Variants in FIZ1 observed in about 807,000 individuals in gnomAD.
The protein encoded by FIZ1 is flt3-interacting zinc finger protein 1.
In FIZ1, 2 loss-of-function variants were observed where a neutral mutation model predicts 5.3. That is an observed-to-expected ratio of 0.37 (90% CI 0.15 to 1.18). FIZ1 has a LOEUF of 1.18. FIZ1 is among the 50% of genes most tolerant of loss of function. FIZ1 has a pLI of 0.37. For missense variants in FIZ1, 631 were observed against 749.7 expected (o/e 0.84, Z 1.85); for synonymous variants, 407 against 364.2 (o/e 1.12, Z -1.34).
chr19:55,593,506 G>A lies in FIZ1; in HGVS notation c.435C>T (p.Pro145=), dbSNP rs770087686. Residue 145 remains proline, a synonymous_variant, in exon 3 of 3, where the codon CCC becomes CCT. Coordinates refer to ENST00000221665, the MANE Select transcript of FIZ1 (RefSeq NM_032836.3). This position sits in a 1 kb window ranked among gnomAD's most constrained non-coding sequence, Gnocchi z 6.3. The stretch of plus-strand genomic sequence containing the variant: ...AGACGGAGCAGGGCGCACTCAAGGC[G>A]GGCAGGCCAGGGCCGGGCTGCAGGG... ...PSPLQPGPGL[P]ALSAPCSVCC... 72 of 1,549,610 alleles carry A rather than the reference G, an allele frequency of 4.6e-5. No individual in the cohort carries two copies. The highest frequency in any genetic ancestry group is 5.8e-5 in the Non-Finnish European group (66 of 1,146,652).
chr19:55,595,364 C>A (rs1398405235), intron 2 of FIZ1, among the ~76,000 whole-genome samples: 2 of 152,174 alleles, frequency 1.3e-5, no homozygotes, highest in Non-Finnish European at 2.9e-5. Context: ...TTTAACACAA[C>A]AAGATTATGC....
rs1196703301 is a variant in FIZ1, at chr19:55,593,472, C to T, written c.469G>A (p.Val157Met). ...CCCCCGCACACCGAGCAGGGCCCCACATTGCAGCAGACGGAGCAGGGCGCA... is the reference window on the plus strand; with the variant it reads ...CCCCCGCACACCGAGCAGGGCCCCATATTGCAGCAGACGGAGCAGGGCGCA... ...LSAPCSVCCN[V>M]GPCSVCGGSG... Residue 157 changes from valine to methionine, a missense_variant, in exon 3 of 3, where the codon GTG (valine) becomes ATG (methionine). Around this residue, in one of 4 missense-constraint regions of FIZ1, gnomAD observed 463 missense variants for 455.1 expected, o/e 1.02. Transcript: ENST00000221665. This position sits in a 1 kb window ranked among gnomAD's most constrained non-coding sequence, Gnocchi z 6.3. 1.9e-6 allele frequency: 3 copies of T among 1,548,096 alleles called. No individual in the cohort carries two copies. Among genetic ancestry groups the T allele is most frequent in the Non-Finnish European group, 1.7e-6 (2 of 1,146,286 alleles).
chr19:55,597,873 G>T lies in FIZ1; in HGVS notation c.-8C>A. Reference sequence around the variant, plus strand: ...GGCGGGGACGTCATCCATGGTGGCGGGGAATACAGTGGTATGTGGGGGCTC... The same window carrying T: ...GGCGGGGACGTCATCCATGGTGGCGTGGAATACAGTGGTATGTGGGGGCTC... On this transcript the variant is annotated 5_prime_UTR_variant, in exon 2 of 3. Transcript: ENST00000221665. The T allele has an allele frequency of 6.4e-7, 1 of 1,573,010 alleles. No individual in the cohort carries two copies. Among genetic ancestry groups the T allele is most frequent in the Non-Finnish European group, 8.6e-7 (1 of 1,159,722 alleles).
rs557755784 is a variant in FIZ1, at chr19:55,598,103, T to G, written c.-36-202A>C. 1.9e-5 allele frequency: 12 copies of G among 622,522 alleles called. No individual in the cohort carries two copies. In the East Asian group the frequency reaches 2.5e-4, roughly 13 times the overall value. 38.6% of individuals were successfully genotyped at this position (622,522 alleles called of 1,614,324 possible). ...CGGCTCCACGCCTGTGGCAAAATCT[T>G]CCTAATCACTTCATAGTCTCCTCAC... On this transcript the variant is annotated intron_variant, in intron 1 of 2. Transcript: ENST00000221665.
rs1267936337 is a variant in FIZ1 at position 55,593,120 on chromosome 19, G to A, written c.821C>T (p.Ala274Val). The change falls in exon 3 of 3, where the codon GCG becomes GTG. Residue 274 changes from alanine (A) to valine (V), a missense_variant. Transcript: ENST00000221665. The surrounding 1 kb of genome is among the most constrained non-coding windows in gnomAD (Gnocchi z 6.3). ...CGCCTCCGCAGCGGTGCCTTCGCCC[G>A]CCGTCTCGGGCCCTGCGCCTGGCCC... ...AAGPGAGPET[A>V]GEGTAAEAGD... 1.6e-6 allele frequency: 2 copies of A among 1,252,886 alleles called. No individual in the cohort carries two copies. The highest frequency in any genetic ancestry group is 2.0e-5 in the South Asian group (1 of 50,210). 77.6% of individuals were successfully genotyped at this position (1,252,886 alleles called of 1,614,324 possible).
intron 1 of FIZ1, chr19:55,598,246 C>A: frequency 4.2e-6 from 1 of 240,344 alleles, no homozygotes; most frequent in Non-Finnish European, 8.3e-6. Context: ...CACCTACTCC[C>A]TTCAAAGTCC....
At chr19:55,595,753 G>C (rs1980299034) in intron 2 of FIZ1, 1 of 152,108 alleles carries the variant, frequency 6.6e-6, no homozygotes, top group African/African-American at 2.4e-5. Flanking sequence ...TACACATTTT[G>C]TTCCCTGGAT....
At chr19:55,595,322 C>T (rs1253401184) in intron 2 of FIZ1, among the ~76,000 whole-genome samples, 1 of 152,214 alleles carries the variant, frequency 6.6e-6, no homozygotes, top group Non-Finnish European at 1.5e-5. Context: ...TCTCTATCCT[C>T]TTTGTCACTA....
chr19:55,597,753 A>G lies in FIZ1; in HGVS notation c.113T>C (p.Leu38Pro). The change falls in exon 2 of 3, where the codon CTG becomes CCG. Residue 38 changes from leucine (L) to proline (P), a missense_variant. Around this residue, in one of 4 missense-constraint regions of FIZ1, gnomAD observed 68 missense variants for 163.4 expected, o/e 0.42. Coordinates refer to ENST00000221665, the MANE Select transcript of FIZ1 (RefSeq NM_032836.3). ...TGTGTGCCGGGCAAAGTGGCGCCGCAGGTCTGAGCGGTAGCGGAAGCTCTT... is the reference window on the plus strand; with the variant it reads ...TGTGTGCCGGGCAAAGTGGCGCCGCGGGTCTGAGCGGTAGCGGAAGCTCTT... ...CGKSFRYRSD[L>P]RRHFARHTAL... is the part of the protein sequence containing the mutation. 1 of 1,613,750 alleles carries G rather than the reference A, an allele frequency of 6.2e-7. No homozygotes were observed. The highest frequency in any genetic ancestry group is 2.2e-5 in the East Asian group (1 of 44,876).
At chr19:55,598,779 T>C (rs1008377934) in intron 1 of FIZ1, 6 of 152,264 alleles carry the variant, frequency 3.9e-5, no homozygotes, top group African/African-American at 1.4e-4. Flanking sequence ...CGTCACCTTC[T>C]CAGGCCTTCT....
chr19:55,596,159 T>A (rs1980316703), intron 2 of FIZ1, among the ~76,000 whole-genome samples: 1 of 152,124 alleles, frequency 6.6e-6, no homozygotes, highest in Admixed American at 6.5e-5. Context: ...GGAGCTCCCC[T>A]TTCATCCTAA....
intron 2 of FIZ1, among the ~76,000 whole-genome samples, chr19:55,594,720 AAATCACTATCGGTGGCT>A (rs1334007148): frequency 2.9e-5 from 4 of 138,656 alleles, no homozygotes; most frequent in Admixed American, 2.2e-4. Flanking sequence ...AAAAAAAAAG[AAATCACTATCGGTGGCT>A]AATGGCTATA....
Position 55,592,986 on chromosome 19 carries a change from G to C in FIZ1, c.955C>G (p.Pro319Ala). The C allele has an allele frequency of 6.5e-7, 1 of 1,528,914 alleles. No homozygotes were observed. Among genetic ancestry groups the C allele is most frequent in the Non-Finnish European group, 8.7e-7 (1 of 1,146,558 alleles). 94.7% of individuals were successfully genotyped at this position (1,528,914 alleles called of 1,614,324 possible). A position where few individuals can be genotyped will look rare whatever the true frequency, so the allele number is the denominator to read the frequency against. ...TCCGAGGGCTCGGCGGCCGCCGCAG[G>C]TGCAGGCGCCTCCCCACCGCCCTCG... ...LPEGGGEAPA[P>A]AAAAEPSEDT... is the part of the protein sequence containing the mutation. The change falls in exon 3 of 3, where the codon CCT (proline) becomes GCT (alanine). Residue 319 changes from proline to alanine, a missense_variant. Physicochemically the swap from Pro to Ala is conservative, Grantham distance 27. Around this residue, in one of 4 missense-constraint regions of FIZ1, gnomAD observed 463 missense variants for 455.1 expected, o/e 1.02. Transcript: ENST00000221665. This position sits in a 1 kb window ranked among gnomAD's most constrained non-coding sequence, Gnocchi z 6.9.
At position 55,593,850 on chromosome 19, in the gene FIZ1, A is replaced by T. The variant is rs1980182097; in HGVS notation, c.295-204T>A. On this transcript the variant is annotated intron_variant, in intron 2 of 2. Coordinates refer to ENST00000221665, the MANE Select transcript of FIZ1 (RefSeq NM_032836.3). This position sits in a 1 kb window ranked among gnomAD's most constrained non-coding sequence, Gnocchi z 6.3. ...TAAAAAGGCCATGTCCTGGCTGGCC[A>T]TGGTGGCTCACGCCTGTAATCCCAG... Among the ~76,000 whole-genome samples, 1 of 152,158 alleles carries T rather than the reference A, an allele frequency of 6.6e-6. No homozygotes were observed.
Position 55,593,129 on chromosome 19 carries a change from G to A in FIZ1, c.812C>T (p.Pro271Leu). 1.6e-6 allele frequency: 2 copies of A among 1,236,394 alleles called. No individual in the cohort carries two copies. The highest frequency in any genetic ancestry group is 2.0e-6 in the Non-Finnish European group (2 of 985,854). 76.6% of individuals were successfully genotyped at this position (1,236,394 alleles called of 1,614,324 possible). The change falls in exon 3 of 3, where the codon CCC becomes CTC. Residue 271 changes from proline to leucine, a missense_variant. Pro to Leu is a moderately conservative substitution (Grantham distance 98, BLOSUM62 -3). Transcript: ENST00000221665. The surrounding 1 kb of genome is among the most constrained non-coding windows in gnomAD (Gnocchi z 6.3). Reference protein sequence around the residue: ...QAWAAGPGAGPETAGEGTAAE... With the variant: ...QAWAAGPGAGLETAGEGTAAE... Reference sequence around the variant, plus strand: ...AGCGGTGCCTTCGCCCGCCGTCTCGGGCCCTGCGCCTGGCCCCGCGGCCCA... The same window carrying A: ...AGCGGTGCCTTCGCCCGCCGTCTCGAGCCCTGCGCCTGGCCCCGCGGCCCA...
At position 55,592,835 on chromosome 19, in the gene FIZ1, G is replaced by T; in HGVS notation, c.1106C>A (p.Ala369Glu). 1 of 1,565,768 alleles carries T rather than the reference G, an allele frequency of 6.4e-7. No homozygotes were observed. Among genetic ancestry groups the T allele is most frequent in the South Asian group, 1.1e-5 (1 of 88,042 alleles). ...GCGHCGALYA[A>E]LAALEEHRRV... ...CCGGTGCTCCTCCAAGGCGGCCAGC[G>T]CCGCGTACAGAGCCCCGCAGTGGCC... is the stretch of plus-strand genomic sequence containing the variant. Residue 369 changes from alanine to glutamate, a missense_variant, in exon 3 of 3, where the codon GCG (alanine) becomes GAG (glutamate). By Grantham distance (107) the Ala-to-Glu change is moderately radical. Transcript: ENST00000221665. The surrounding 1 kb of genome is among the most constrained non-coding windows in gnomAD (Gnocchi z 6.9).
rs764895523 is a variant in FIZ1 at position 55,593,056 on chromosome 19, C to T, written c.885G>A (p.Leu295=). The part of the protein sequence containing the change: ...APLASDRRLL[L]GPAGGGVPKL... ...TGGGCACGCCGCCCCCCGCGGGGCC[C>T]AGGAGCAGCCTGCGGTCCGAAGCCA... The change falls in exon 3 of 3, where the codon CTG becomes CTA. Residue 295 remains leucine (L), a synonymous_variant. Coordinates refer to ENST00000221665, the MANE Select transcript of FIZ1 (RefSeq NM_032836.3). This position sits in a 1 kb window ranked among gnomAD's most constrained non-coding sequence, Gnocchi z 6.3. The T allele has an allele frequency of 1.5e-5, 21 of 1,377,238 alleles. No homozygotes were observed. The South Asian group carries it at 3.1e-4, about 20-fold the overall frequency. 85.3% of individuals were successfully genotyped at this position (1,377,238 alleles called of 1,614,324 possible).
chr19:55,593,564 A>C lies in FIZ1; in HGVS notation c.377T>G (p.Leu126Arg). The change falls in exon 3 of 3, where the codon CTC (leucine) becomes CGC (arginine). Residue 126 changes from leucine (L) to arginine (R), a missense_variant. Leu to Arg is a moderately radical substitution (Grantham distance 102, BLOSUM62 -2). This residue lies in a region of FIZ1 where 68 missense variants were observed against 163.4 expected (regional missense o/e 0.42). Coordinates refer to ENST00000221665, the MANE Select transcript of FIZ1 (RefSeq NM_032836.3). This position sits in a 1 kb window ranked among gnomAD's most constrained non-coding sequence, Gnocchi z 6.3. ...FSSRSSLGRH[L>R]KRQHRGVLPS... The stretch of plus-strand genomic sequence containing the variant: ...GAGAACCCCACGGTGCTGGCGCTTG[A>C]GGTGGCGGCCCAGGCTGGAGCGTGA... The C allele has an allele frequency of 6.4e-7, 1 of 1,551,174 alleles. No homozygotes were observed. The highest frequency in any genetic ancestry group is 2.0e-5 in the Admixed American group (1 of 51,004).
intron 1 of FIZ1, chr19:55,598,819 T>G (rs559922343): frequency 2.6e-5 from 4 of 152,370 alleles, no homozygotes; most frequent in Non-Finnish European, 5.9e-5. Flanking sequence ...CCCCTGCAAG[T>G]CCTTTCCACA....
Sources: allele counts gnomAD v4.1 joint callset (sites outside exome capture counted in the v4.1 genomes callset), GRCh38; gene constraint gnomAD v4.1.1; regional missense constraint gnomAD v4.1.1; non-coding constraint Gnocchi (gnomAD v3.1); transcripts MANE v1.5; gene names NCBI Gene and HGNC (gene_info 2026-07-23, HGNC 2026-07-21).